SHANK2: variants seen among roughly 807,000 people sequenced by gnomAD.
SHANK2 encodes SH3 and multiple ankyrin repeat domains 2.
In SHANK2, 43 loss-of-function variants were observed where a neutral mutation model predicts 133.7. The ratio of observed to expected loss-of-function variants is 0.32; its 90% CI spans 0.25 to 0.41. The LOEUF is 0.41. Among genes scored for constraint, SHANK2 ranks in the 10% least tolerant of loss-of-function variants. The pLI, the probability that SHANK2 is intolerant of heterozygous loss-of-function variation, is 1.00. For missense variants in SHANK2, 1,994 were observed against 2,235.8 expected (o/e 0.89, Z 2.18); for synonymous variants, 1,017 against 952.8 (o/e 1.07, Z -1.24).
At chr11:70,911,355 CA>C (rs1179117968) in intron 10 of SHANK2, among the ~76,000 whole-genome samples, 9 of 147,910 alleles carry the variant, frequency 6.1e-5, no homozygotes, top group African/African-American at 1.0e-4. Flanking sequence ...GACTCCATCT[CA>C]AAAAAAACAA....
intron 2 of SHANK2, among the ~76,000 whole-genome samples, chr11:71,161,315 T>C (rs782568437): frequency 6.6e-5 from 10 of 152,246 alleles, no homozygotes; most frequent in Non-Finnish European, 1.3e-4. Context: ...TTTACCAAGA[T>C]ATATTTCTTT....
Position 70,487,508 on chromosome 11 carries a change from C to T in SHANK2, c.2785G>A (p.Ala929Thr), listed in dbSNP as rs781978124. Residue 929 changes from alanine (A) to threonine (T), a missense_variant, in exon 25 of 26, where the codon GCC (alanine) becomes ACC (threonine). Around this residue, in one of 5 missense-constraint regions of SHANK2, gnomAD observed 488 missense variants for 642.6 expected, o/e 0.76. Coordinates refer to ENST00000601538, the MANE Select transcript of SHANK2 (RefSeq NM_012309.5). The surrounding 1 kb of genome is among the most constrained non-coding windows in gnomAD (Gnocchi z 5.8). ...CTGGTGGCGGGGGACACCTTGGCGGCAGAATTCTGATTGAACGCAGGCTTA... is the reference window on the plus strand; with the variant it reads ...CTGGTGGCGGGGGACACCTTGGCGGTAGAATTCTGATTGAACGCAGGCTTA... Reference protein sequence around the residue: ...TIKPAFNQNSAAKVSPATRSD... With the variant: ...TIKPAFNQNSTAKVSPATRSD... The T allele has an allele frequency of 1.9e-6, 3 of 1,613,764 alleles. No individual in the cohort carries two copies. The highest frequency in any genetic ancestry group is 2.2e-5 in the South Asian group (2 of 91,048).
In SHANK2 at chr11:70,486,012, C is replaced by T; in HGVS notation, c.4281G>A (p.Arg1427=). ...FANSFDIPDD[R]AASVPALSDL... ...CTGAGAGAGCCGGGACAGAAGCTGC[C>T]CGGTCATCGGGGATATCAAAACTAT... is the stretch of plus-strand genomic sequence containing the variant. Residue 1427 remains arginine, a synonymous_variant, in exon 25 of 26, where the codon CGG becomes CGA. Coordinates refer to ENST00000601538, the MANE Select transcript of SHANK2 (RefSeq NM_012309.5). This position sits in a 1 kb window ranked among gnomAD's most constrained non-coding sequence, Gnocchi z 8.0. 6.2e-7 allele frequency: 1 copy of T among 1,614,022 alleles called. No individual in the cohort carries two copies.
chr11:70,476,220 T>C (rs1212731203), intron 25 of SHANK2, among the ~76,000 whole-genome samples: 1 of 152,126 alleles, frequency 6.6e-6, no homozygotes, highest in Non-Finnish European at 1.5e-5. Flanking sequence ...TGAGCTAGAC[T>C]TCTTCTCAAA....
rs367787892 is a variant in SHANK2, at chr11:70,497,804, C to T, written c.2308+2766G>A. Among the ~76,000 whole-genome samples the T allele has an allele frequency of 3.9e-5, 6 of 152,202 alleles. No homozygotes were observed. The South Asian group carries it at 8.3e-4, about 21-fold the overall frequency. ...AGTGACACGACCCCAGCGTCCATGC[C>T]GAGGCTGGGAGGCCCAGGACCACCC... On this transcript the variant is annotated intron_variant, in intron 21 of 25. Transcript: ENST00000601538.
intron 14 of SHANK2, among the ~76,000 whole-genome samples, chr11:70,747,489 G>A (rs953610223): frequency 6.6e-6 from 1 of 152,222 alleles, no homozygotes. Flanking sequence ...GGACAGCTGA[G>A]TAACTGAAGA....
Position 70,487,832 on chromosome 11 carries a change from C to CAT in SHANK2, c.2573-113_2573-112insAT. ...AAACTCACAAATTCAGATGATGAAC[C>CAT]GGATGTTCAGGAAACACAGCACAAG... On this transcript the variant is annotated intron_variant, in intron 24 of 25. Transcript: ENST00000601538. The surrounding 1 kb of genome is among the most constrained non-coding windows in gnomAD (Gnocchi z 5.8). The CAT allele has an allele frequency of 6.5e-7, 1 of 1,542,970 alleles. No individual in the cohort carries two copies. Among genetic ancestry groups the CAT allele is most frequent in the South Asian group, 1.2e-5 (1 of 83,102 alleles).
chr11:70,496,873 C>A, intron 21 of SHANK2: 1 of 432,492 alleles, frequency 2.3e-6, no homozygotes. Context: ...GGGGTGGGGG[C>A]ACCCTACCCA....
chr11:70,877,564 T>C (rs1424924874), intron 11 of SHANK2, among the ~76,000 whole-genome samples: 1 of 152,154 alleles, frequency 6.6e-6, no homozygotes, highest in East Asian at 1.9e-4. Context: ...CTTTCCTTAC[T>C]TCACCAGCTC....
chr11:71,131,121 G>A (rs1952296361), intron 3 of SHANK2, among the ~76,000 whole-genome samples: 1 of 152,216 alleles, frequency 6.6e-6, no homozygotes, highest in Admixed American at 6.5e-5. Context: ...CCGTGTACTT[G>A]CACACCTCCA....
At chr11:70,735,458 C>G (rs1292146730) in intron 14 of SHANK2, among the ~76,000 whole-genome samples, 1 of 152,112 alleles carries the variant, frequency 6.6e-6, no homozygotes, top group African/African-American at 2.4e-5. Context: ...GTAATCCCAG[C>G]ACTTTGCGAT....
intron 2 of SHANK2, among the ~76,000 whole-genome samples, chr11:71,189,672 G>A (rs185540672): frequency 1.8e-4 from 28 of 152,296 alleles, no homozygotes; most frequent in African/African-American, 5.3e-4. Context: ...AGTGCTGGGC[G>A]TGAGCCACCG....
chr11:70,869,326 C>T (rs1424574246), intron 11 of SHANK2, among the ~76,000 whole-genome samples: 2 of 152,198 alleles, frequency 1.3e-5, no homozygotes, highest in Admixed American at 1.3e-4. Context: ...CTAGAGGCCT[C>T]CAGACCAGCA....
chr11:71,093,058 G>A (rs895461285), intron 7 of SHANK2, among the ~76,000 whole-genome samples: 1 of 144,314 alleles, frequency 6.9e-6, no homozygotes. Flanking sequence ...TAAAGGGGGG[G>A]GGGGGCAGGT....
chr11:70,951,669 G>A (rs181106018), intron 10 of SHANK2, among the ~76,000 whole-genome samples: 4 of 152,216 alleles, frequency 2.6e-5, no homozygotes, highest in East Asian at 1.9e-4. Flanking sequence ...CTGCTGTGCC[G>A]TGACATCATA....
chr11:70,761,794 C>T (rs1424867715), intron 14 of SHANK2, among the ~76,000 whole-genome samples: 1 of 152,246 alleles, frequency 6.6e-6, no homozygotes, highest in African/African-American at 2.4e-5. Flanking sequence ...TCACGAGTGG[C>T]CCTTGACCTC....
chr11:70,617,894 C>T (rs1171119210), intron 17 of SHANK2, among the ~76,000 whole-genome samples: 1 of 151,946 alleles, frequency 6.6e-6, no homozygotes, highest in African/African-American at 2.4e-5. Context: ...TGCTAAATGA[C>T]GAGTTAATGG....
At chr11:70,911,028 T>C (rs1555078902) in intron 10 of SHANK2, 3 of 457,070 alleles carry the variant, frequency 6.6e-6, no homozygotes, top group South Asian at 4.6e-5. Flanking sequence ...AAGGGGGTGC[T>C]CCTGTAAGTA....
At chr11:70,762,906 T>C (rs1310718828) in intron 14 of SHANK2, among the ~76,000 whole-genome samples, 1 of 152,180 alleles carries the variant, frequency 6.6e-6, no homozygotes, top group Non-Finnish European at 1.5e-5. Context: ...GGAGAGATGC[T>C]GTCACTTTTC....
Sources: gnomAD v4.1 joint callset for allele counts (sites outside exome capture counted in the v4.1 genomes callset) on GRCh38, gnomAD v4.1.1 for gene constraint, gnomAD v4.1.1 regional missense constraint, Gnocchi (gnomAD v3.1) non-coding constraint, MANE v1.5 for transcripts, NCBI Gene and HGNC (gene_info 2026-07-23, HGNC 2026-07-21) for gene names.